AACS: variants seen among roughly 807,000 people sequenced by gnomAD.
The protein encoded by AACS is acetoacetyl-CoA synthetase.
In AACS, 69 loss-of-function variants were observed where a neutral mutation model predicts 83.1. The ratio of observed to expected loss-of-function variants is 0.83; its 90% CI spans 0.68 to 1.01. AACS has a LOEUF of 1.01. Among genes scored for constraint, AACS ranks in the 50% least tolerant of loss-of-function variants. The pLI, the probability that AACS is intolerant of heterozygous loss-of-function variation, is 0.00. For missense variants in AACS, 866 were observed against 882.2 expected, an observed-to-expected ratio of 0.98 and a Z score of 0.23; for synonymous variants, 333 against 343.4, an observed-to-expected ratio of 0.97 and a Z score of 0.33.
intron 10 of AACS, 90 bp downstream of exon 10, chr12:125,118,855 A>C: frequency 6.5e-7 from 1 of 1,533,032 alleles, no homozygotes; most frequent in Non-Finnish European, 8.8e-7. Flanking sequence ...CCTGCCTTCT[A>C]CCGTGGTCGG....
At chr12:125,084,094 G>A (rs1037050575) in intron 3 of AACS, among the ~76,000 whole-genome samples, 4 of 152,048 alleles carry the variant, frequency 2.6e-5, no homozygotes, top group Admixed American at 1.3e-4. Flanking sequence ...TTGGGAGTTC[G>A]AGGTCACTGG....
In AACS at chr12:125,096,114, G is replaced by A. The variant is rs571886938; in HGVS notation, c.570+4591G>A. On this transcript the variant is annotated intron_variant, in intron 5 of 17. Transcript: ENST00000316519. ...CAAGTAGCTGGGACTACAGGCGCCT[G>A]CCACCATATCCAGCTAATTTTTTGT... Among the ~76,000 whole-genome samples the A allele has an allele frequency of 1.7e-4, 26 of 152,296 alleles. No individual in the cohort carries two copies. The South Asian group carries it at 5.4e-3, about 32-fold the overall frequency.
At chr12:125,098,667 G>A (rs1592969893) in intron 5 of AACS, among the ~76,000 whole-genome samples, 1 of 152,142 alleles carries the variant, frequency 6.6e-6, no homozygotes, top group African/African-American at 2.4e-5. Flanking sequence ...GGCCAGGCTG[G>A]TCTTGAACTC....
chr12:125,086,379 A>C lies in AACS; in HGVS notation c.408A>C (p.Gln136His). The change falls in exon 4 of 18, where the codon CAA becomes CAC. Residue 136 changes from glutamine (Q) to histidine (H), a missense_variant. By Grantham distance (24) the Gln-to-His change is conservative. Coordinates refer to ENST00000316519, the MANE Select transcript of AACS (RefSeq NM_023928.5). ...IVKVTFEELRQEVALFAAAMR... is the reference protein window; with the variant it reads ...IVKVTFEELRHEVALFAAAMR... ...AGGTGACTTTTGAAGAGCTGAGGCA[A>C]GAAGTGGCTTTGTTTGCAGCAGCAA... is the stretch of plus-strand genomic sequence containing the variant. The C allele has an allele frequency of 6.2e-7, 1 of 1,614,218 alleles. No individual in the cohort carries two copies. The highest frequency in any genetic ancestry group is 1.3e-5 in the African/African-American group (1 of 75,050).
chr12:125,103,537 G>A (rs1200181251), intron 7 of AACS, among the ~76,000 whole-genome samples: 2 of 151,932 alleles, frequency 1.3e-5, no homozygotes, highest in Admixed American at 1.3e-4. Context: ...ATGTGTACAT[G>A]TGTATGTATG....
chr12:125,136,585 C>T, intron 16 of AACS, 77 bp from the exon 17 acceptor site: 1 of 1,283,444 alleles, frequency 7.8e-7, no homozygotes, highest in South Asian at 1.3e-5. Context: ...CCCTCCTGCT[C>T]TGCCAGGTTG....
In AACS at chr12:125,125,035, G is replaced by A. The variant is rs202115652; in HGVS notation, c.1309+11G>A. 5.6e-5 allele frequency: 91 copies of A among 1,614,016 alleles called. No individual in the cohort carries two copies. The East Asian group carries it at 1.7e-3, about 30-fold the overall frequency. ...TGGGCTCCATCTCAGGTATGGCCCC[G>A]GTGGGGACAGTCCTTCCAGCCATCC... On this transcript the variant is annotated intron_variant, in intron 12 of 17. Coordinates refer to ENST00000316519, the MANE Select transcript of AACS (RefSeq NM_023928.5).
chr12:125,126,836 G>A (rs1036204912), intron 12 of AACS: 1 of 152,000 alleles, frequency 6.6e-6, no homozygotes, highest in African/African-American at 2.4e-5. Flanking sequence ...TCCCACCTTG[G>A]CCTCCCAAAA....
rs904158709 is a variant in AACS, at chr12:125,097,662, C to T, written c.571-5017C>T. Among the ~76,000 whole-genome samples the T allele has an allele frequency of 6.6e-6, 1 of 152,146 alleles. No individual in the cohort carries two copies. The highest frequency in any genetic ancestry group is 2.4e-5 in the African/African-American group (1 of 41,432). On this transcript the variant is annotated intron_variant, in intron 5 of 17. Transcript: ENST00000316519. The surrounding 1 kb of genome is among the most constrained non-coding windows in gnomAD (Gnocchi z 4.3). Reference sequence around the variant, plus strand: ...CCTCCTTCCTGTCATGACTGTGCATCCTGAGAGCACTTCAGCCTTCCTTCC... The same window carrying T: ...CCTCCTTCCTGTCATGACTGTGCATTCTGAGAGCACTTCAGCCTTCCTTCC...
intron 1 of AACS, among the ~76,000 whole-genome samples, chr12:125,069,196 T>C (rs912871933): frequency 2.0e-5 from 3 of 152,212 alleles, no homozygotes; most frequent in Non-Finnish European, 4.4e-5. Context: ...CTCTCCTCTG[T>C]GTCCCAGCAG....
At chr12:125,109,652 G>A (rs1477138847) in intron 8 of AACS, among the ~76,000 whole-genome samples, 1 of 152,138 alleles carries the variant, frequency 6.6e-6, no homozygotes, top group Non-Finnish European at 1.5e-5. Context: ...GTGCAGTGCC[G>A]CCCCCTCATC....
rs1957298972 is a variant in AACS at position 125,129,527 on chromosome 12, C to T, written c.1549+67C>T. On this transcript the variant is annotated intron_variant, in intron 14 of 17. Transcript: ENST00000316519. The surrounding 1 kb of genome is among the most constrained non-coding windows in gnomAD (Gnocchi z 4.3). ...TTGGCTGGGCCTTCTGTGTCTAATTCTGTACCATCGTGCCCCTCCCCTCTT... is the reference window on the plus strand; with the variant it reads ...TTGGCTGGGCCTTCTGTGTCTAATTTTGTACCATCGTGCCCCTCCCCTCTT... 6.4e-7 allele frequency: 1 copy of T among 1,565,848 alleles called. No homozygotes were observed. Among genetic ancestry groups the T allele is most frequent in the Admixed American group, 1.8e-5 (1 of 55,032 alleles).
intron 2 of AACS, among the ~76,000 whole-genome samples, chr12:125,076,105 C>T (rs372426293): frequency 1.3e-5 from 2 of 152,158 alleles, no homozygotes; most frequent in African/African-American, 4.8e-5. Context: ...AAGGCTGAAG[C>T]CCCCAAAAGT....
chr12:125,082,409 C>T (rs1257093047), intron 3 of AACS, among the ~76,000 whole-genome samples: 1 of 150,508 alleles, frequency 6.6e-6, no homozygotes, highest in African/African-American at 2.4e-5. Flanking sequence ...CTCCTGGGCT[C>T]AAGTGATCCT....
In AACS at chr12:125,113,833, A is replaced by G. The variant is rs950710889; in HGVS notation, c.916-644A>G. Reference sequence around the variant, plus strand: ...CGGCTTTTCATAGTATCTGCTTCAGAGTTCTGGACCGTGCAAATACATTGC... The same window carrying G: ...CGGCTTTTCATAGTATCTGCTTCAGGGTTCTGGACCGTGCAAATACATTGC... On this transcript the variant is annotated intron_variant, in intron 8 of 17. Transcript: ENST00000316519. This position sits in a 1 kb window ranked among gnomAD's most constrained non-coding sequence, Gnocchi z 4.8. 6.6e-6 allele frequency among the ~76,000 whole-genome samples: 1 copy of G among 152,156 alleles called. No homozygotes were observed. The highest frequency in any genetic ancestry group is 1.5e-5 in the Non-Finnish European group (1 of 68,030).
In AACS at chr12:125,128,253, G is replaced by A. The variant is rs573261809; in HGVS notation, c.1402G>A (p.Val468Met). 3.2e-5 allele frequency: 52 copies of A among 1,611,604 alleles called. No individual in the cohort carries two copies. The highest frequency in any genetic ancestry group is 2.3e-4 in the South Asian group (21 of 90,674). Residue 468 changes from valine (V) to methionine (M), a missense_variant, in exon 13 of 18, where the codon GTG becomes ATG. Physicochemically the swap from Val to Met is conservative, Grantham distance 21. Transcript: ENST00000316519. ...EIQARNLGMA[V>M]EAWNEEGKAV... Reference sequence around the variant, plus strand: ...TCAGGCCCGGAACCTGGGCATGGCCGTGGAAGCGTGGAACGAGGAAGGTGA... The same window carrying A: ...TCAGGCCCGGAACCTGGGCATGGCCATGGAAGCGTGGAACGAGGAAGGTGA...
In AACS at chr12:125,142,403, C is replaced by A; in HGVS notation, c.*174C>A. On this transcript the variant is annotated 3_prime_UTR_variant, in exon 18 of 18. Coordinates refer to ENST00000316519, the MANE Select transcript of AACS (RefSeq NM_023928.5). Reference sequence around the variant, plus strand: ...TGTTAAATCTGGTGGGTACCTGGATCTTCCACACGAGTGGGATTCTGGCCT... The same window carrying A: ...TGTTAAATCTGGTGGGTACCTGGATATTCCACACGAGTGGGATTCTGGCCT... 1 of 893,328 alleles carries A rather than the reference C, an allele frequency of 1.1e-6. No individual in the cohort carries two copies. Among genetic ancestry groups the A allele is most frequent in the Non-Finnish European group, 1.6e-6 (1 of 607,528 alleles). 55.3% of individuals were successfully genotyped at this position (893,328 alleles called of 1,614,324 possible).
intron 10 of AACS, chr12:125,120,075 G>T (rs1289114349): frequency 6.6e-6 from 1 of 152,168 alleles, no homozygotes; most frequent in Non-Finnish European, 1.5e-5. Flanking sequence ...GCACAGGCGA[G>T]AGCCAGTTGG....
At chr12:125,077,678 A>G (rs181595810) in intron 3 of AACS, among the ~76,000 whole-genome samples, 15 of 152,180 alleles carry the variant, frequency 9.9e-5, no homozygotes, top group African/African-American at 3.1e-4. Flanking sequence ...AACAGTTGAC[A>G]ATCTATATTA....
Sources: gnomAD v4.1 joint callset for allele counts (sites outside exome capture counted in the v4.1 genomes callset) on GRCh38, gnomAD v4.1.1 for gene constraint, Gnocchi (gnomAD v3.1) non-coding constraint, MANE v1.5 for transcripts, NCBI Gene and HGNC (gene_info 2026-07-23, HGNC 2026-07-21) for gene names.